SGCZ: variants seen among roughly 807,000 people sequenced by gnomAD.
SGCZ encodes the protein sarcoglycan zeta.
In SGCZ, 40 loss-of-function variants were observed where a neutral mutation model predicts 41.3. The observed-to-expected ratio is 0.97, with a 90% confidence interval of 0.75 to 1.26. The LOEUF (loss-of-function observed/expected upper bound fraction) is 1.26, where lower values mean the gene tolerates loss of function less well. Ranked by LOEUF, SGCZ falls within the 50% of genes most tolerant of loss-of-function variation. The pLI, the probability that SGCZ is intolerant of heterozygous loss-of-function variation, is 0.00. For synonymous variants in SGCZ, 206 were observed against 137.5 expected (o/e 1.50, Z -3.49); for missense variants, 552 against 369.8 (o/e 1.49, Z -4.04).
At chr8:14,726,529 A>C (rs1585212548) in intron 1 of SGCZ, among the ~76,000 whole-genome samples, 1 of 151,788 alleles carries the variant, frequency 6.6e-6, no homozygotes, top group Admixed American at 6.6e-5. Context: ...ATAGAGGCAC[A>C]GTATTGGTTG....
At chr8:14,269,546 C>T (rs1290726609) in intron 3 of SGCZ, among the ~76,000 whole-genome samples, 1 of 152,152 alleles carries the variant, frequency 6.6e-6, no homozygotes, top group Admixed American at 6.5e-5. Flanking sequence ...CCATGATGCA[C>T]ACTCCTTGGT....
At chr8:14,479,325 T>G (rs13248187) in intron 2 of SGCZ, among the ~76,000 whole-genome samples, 1 of 152,004 alleles carries the variant, frequency 6.6e-6, no homozygotes, top group Non-Finnish European at 1.5e-5. Context: ...GGGAGAAAAA[T>G]AGAGGCCCGG....
At chr8:14,808,426 G>A (rs1369611138) in intron 1 of SGCZ, among the ~76,000 whole-genome samples, 8 of 152,044 alleles carry the variant, frequency 5.3e-5, no homozygotes, top group South Asian at 2.1e-4. Context: ...GGCAAAGGAC[G>A]TGAACAGACA....
intron 4 of SGCZ, among the ~76,000 whole-genome samples, chr8:14,183,753 C>G (rs1387594129): frequency 6.6e-6 from 1 of 151,988 alleles, no homozygotes; most frequent in Non-Finnish European, 1.5e-5. Context: ...TCCCTGTAAA[C>G]TAAGAAAGGA....
chr8:14,770,488 G>A (rs28509337), intron 1 of SGCZ, among the ~76,000 whole-genome samples: 11,834 of 151,682 alleles, frequency 0.078, 472 homozygotes, highest in Middle Eastern at 0.1. Flanking sequence ...TAAGGAAACT[G>A]AAATATTATA....
chr8:14,361,579 T>G (rs942634878), intron 2 of SGCZ, among the ~76,000 whole-genome samples: 1 of 152,216 alleles, frequency 6.6e-6, no homozygotes, highest in Non-Finnish European at 1.5e-5. Context: ...TAGCCATTCA[T>G]CTAAGCTTTT....
chr8:14,494,945 C>T (rs909791185), intron 2 of SGCZ, among the ~76,000 whole-genome samples: 3 of 152,158 alleles, frequency 2.0e-5, no homozygotes, highest in African/African-American at 7.2e-5. Context: ...TTCCTTGTCA[C>T]TTTTTCCCAT....
chr8:14,829,060 C>T (rs1404071299), intron 1 of SGCZ, among the ~76,000 whole-genome samples: 2 of 152,032 alleles, frequency 1.3e-5, no homozygotes, highest in Non-Finnish European at 2.9e-5. Context: ...ACATGTGTCC[C>T]TGAAACCTTT....
chr8:14,401,424 C>G (rs1410103566), intron 2 of SGCZ, among the ~76,000 whole-genome samples: 2 of 133,358 alleles, frequency 1.5e-5, no homozygotes, highest in Non-Finnish European at 3.1e-5. Context: ...TCTCCTAAAG[C>G]TATCCCTCCC....
chr8:15,205,458 C>A (rs1257434931), intron 1 of SGCZ, among the ~76,000 whole-genome samples: 1 of 151,914 alleles, frequency 6.6e-6, no homozygotes, highest in Non-Finnish European at 1.5e-5. Flanking sequence ...GAACAGACAC[C>A]TACCAAAGGA....
At chr8:14,527,652 A>T (rs912630587) in intron 2 of SGCZ, among the ~76,000 whole-genome samples, 3 of 152,132 alleles carry the variant, frequency 2.0e-5, no homozygotes, top group African/African-American at 4.8e-5. Context: ...TTAAGCTTAA[A>T]TTTTAATTAA....
rs560006806 is a variant in SGCZ, at chr8:14,611,408, C to A, written c.40-56482G>T. 1.1e-4 allele frequency among the ~76,000 whole-genome samples: 17 copies of A among 152,160 alleles called. 1 individual carries two copies. The highest frequency in any genetic ancestry group is 2.4e-4 in the Non-Finnish European group (16 of 67,984). On this transcript the variant is annotated intron_variant, in intron 1 of 7. Transcript: ENST00000382080. ...AAAATGACACTTTTAGAGATTATGGCTTTCTAAAAATTGTTTCTGGGAATA... is the reference window on the plus strand; with the variant it reads ...AAAATGACACTTTTAGAGATTATGGATTTCTAAAAATTGTTTCTGGGAATA...
At chr8:14,498,041 C>G (rs553384038) in intron 2 of SGCZ, among the ~76,000 whole-genome samples, 3 of 152,140 alleles carry the variant, frequency 2.0e-5, no homozygotes, top group African/African-American at 2.4e-5. Context: ...ACATTTTATT[C>G]ATGCACATTG....
At chr8:14,708,848 T>G (rs1809416438) in intron 1 of SGCZ, among the ~76,000 whole-genome samples, 1 of 150,676 alleles carries the variant, frequency 6.6e-6, no homozygotes, top group African/African-American at 2.4e-5. Context: ...TGTATTCAGC[T>G]TTATAATCCT....
intron 1 of SGCZ, among the ~76,000 whole-genome samples, chr8:14,770,893 C>A (rs1431483911): frequency 6.6e-6 from 1 of 151,984 alleles, no homozygotes; most frequent in Non-Finnish European, 1.5e-5. Context: ...TTTAAAAAAA[C>A]AATAAATATG....
At chr8:14,771,488 C>T (rs1800237093) in intron 1 of SGCZ, among the ~76,000 whole-genome samples, 1 of 152,050 alleles carries the variant, frequency 6.6e-6, no homozygotes, top group African/African-American at 2.4e-5. Flanking sequence ...ATTACCATAT[C>T]AGTTTTTCAG....
chr8:14,755,130 T>A (rs1799618636), intron 1 of SGCZ, among the ~76,000 whole-genome samples: 1 of 152,150 alleles, frequency 6.6e-6, no homozygotes, highest in Non-Finnish European at 1.5e-5. Flanking sequence ...TTTTCTGTAA[T>A]TTTTTTACCT....
chr8:14,821,173 A>G (rs942412248), intron 1 of SGCZ, among the ~76,000 whole-genome samples: 2 of 152,012 alleles, frequency 1.3e-5, no homozygotes, highest in Non-Finnish European at 2.9e-5. Flanking sequence ...CTGATAAGAG[A>G]CTATTATGAA....
At chr8:14,190,822 T>C (rs2117046310) in intron 4 of SGCZ, among the ~76,000 whole-genome samples, 1 of 152,126 alleles carries the variant, frequency 6.6e-6, no homozygotes, top group East Asian at 1.9e-4. Flanking sequence ...CAGGATGGTC[T>C]CAATCTCCTG....
Sources: allele counts gnomAD v4.1 joint callset (sites outside exome capture counted in the v4.1 genomes callset), GRCh38; gene constraint gnomAD v4.1.1; transcripts MANE v1.5; gene names NCBI Gene and HGNC (gene_info 2026-07-23, HGNC 2026-07-21).